Variants in CREB5 observed in about 807,000 individuals in gnomAD.
The protein encoded by CREB5 is cAMP responsive element binding protein 5.
A neutral mutation model predicts 57.1 loss-of-function variants in CREB5; 19 were observed. The observed-to-expected ratio is 0.33, with a 90% confidence interval of 0.23 to 0.49. The LOEUF (loss-of-function observed/expected upper bound fraction) is 0.49, where lower values mean the gene tolerates loss of function less well. Ranked by LOEUF, CREB5 falls within the 20% of genes least tolerant of loss-of-function variation. The probability of loss-of-function intolerance (pLI) is 0.99; values close to 1 mark genes in which losing one functional copy is unlikely to be tolerated. For synonymous variants in CREB5, 238 were observed against 238.3 expected, an observed-to-expected ratio of 1.00 and a Z score of 0.01; for missense variants, 579 against 671.6, an observed-to-expected ratio of 0.86 and a Z score of 1.52.
In CREB5 at chr7:28,717,970, A is replaced by G. The variant is rs538714380; in HGVS notation, c.465-783A>G. 2.0e-5 allele frequency among the ~76,000 whole-genome samples: 3 copies of G among 152,348 alleles called. No individual in the cohort carries two copies. The South Asian group carries it at 6.2e-4, about 32-fold the overall frequency. ...CAGCTCCACATTCTCTGGCTCATTA[A>G]ATCAATTTAAGGCTCTTAAAATTGT... On this transcript the variant is annotated intron_variant, in intron 5 of 10. Transcript: ENST00000357727.
intron 5 of CREB5, among the ~76,000 whole-genome samples, chr7:28,707,114 C>G (rs142552026): frequency 3.0e-3 from 451 of 152,178 alleles, no homozygotes; most frequent in African/African-American, 0.011. Context: ...TGGGGACTCA[C>G]AGTAATGGAG....
At chr7:28,473,607 G>C (rs1012860264) in intron 1 of CREB5, among the ~76,000 whole-genome samples, 1 of 152,202 alleles carries the variant, frequency 6.6e-6, no homozygotes, top group African/African-American at 2.4e-5. Context: ...GGAAGACTGA[G>C]TCTTCTGACA....
rs572238702 is a variant in CREB5, at chr7:28,450,939, T to C, written c.4-37236T>C. On this transcript the variant is annotated intron_variant, in intron 1 of 10. Transcript: ENST00000357727. Reference sequence around the variant, plus strand: ...TGAGTATCCACCATTCTAGACCATTTGCAGGTCTAGAAGGAACTCTAGGTC... The same window carrying C: ...TGAGTATCCACCATTCTAGACCATTCGCAGGTCTAGAAGGAACTCTAGGTC... Among the ~76,000 whole-genome samples, 3 of 152,314 alleles carry C rather than the reference T, an allele frequency of 2.0e-5. No homozygotes were observed. The South Asian group carries it at 6.2e-4, about 32-fold the overall frequency.
intron 5 of CREB5, among the ~76,000 whole-genome samples, chr7:28,704,898 A>G (rs1802031454): frequency 6.6e-6 from 1 of 152,184 alleles, no homozygotes; most frequent in African/African-American, 2.4e-5. Context: ...GCCCTAGATC[A>G]CCAGGCAAAT....
chr7:28,673,364 C>T (rs190044608), intron 5 of CREB5, among the ~76,000 whole-genome samples: 4 of 152,238 alleles, frequency 2.6e-5, no homozygotes, highest in Admixed American at 1.3e-4. Context: ...TCCTATTGTC[C>T]CCTGGAAAGC....
At chr7:28,350,302 G>A (rs1169669704) in intron 1 of CREB5, among the ~76,000 whole-genome samples, 1 of 152,168 alleles carries the variant, frequency 6.6e-6, no homozygotes, top group Non-Finnish European at 1.5e-5. Context: ...CGCCTGTGGA[G>A]GGGAAGCTAC....
chr7:28,560,865 C>CGCGCG (rs1491128731), intron 4 of CREB5, among the ~76,000 whole-genome samples: 17 of 14,828 alleles, frequency 1.1e-3, no homozygotes, highest in Middle Eastern at 0.1. Flanking sequence ...TGTGCGTGTG[C>CGCGCG]CTGCGTGCGC....
intron 7 of CREB5, among the ~76,000 whole-genome samples, chr7:28,761,723 G>A (rs1805665786): frequency 6.7e-6 from 1 of 149,172 alleles, no homozygotes; most frequent in Non-Finnish European, 1.5e-5. Flanking sequence ...TGATGTGAGG[G>A]ATGTGTGTGT....
intron 1 of CREB5, among the ~76,000 whole-genome samples, chr7:28,312,167 G>T (rs1165901267): frequency 6.7e-6 from 1 of 148,684 alleles, no homozygotes. Flanking sequence ...TCATTTTAGT[G>T]AAAGGAAATA....
chr7:28,764,981 G>A (rs1057415258), intron 7 of CREB5, among the ~76,000 whole-genome samples: 9 of 152,056 alleles, frequency 5.9e-5, no homozygotes, highest in Non-Finnish European at 1.0e-4. Flanking sequence ...CTCAAACTCC[G>A]AAATTCATAC....
At chr7:28,598,300 C>A (rs564184182) in intron 5 of CREB5, among the ~76,000 whole-genome samples, 1 of 152,144 alleles carries the variant, frequency 6.6e-6, no homozygotes, top group Non-Finnish European at 1.5e-5. Flanking sequence ...CCGCCATGAT[C>A]CCCAGCCAGG....
chr7:28,568,522 T>TA (rs1375238908), intron 4 of CREB5, among the ~76,000 whole-genome samples: 19 of 152,162 alleles, frequency 1.2e-4, no homozygotes, highest in Non-Finnish European at 1.5e-5. Context: ...CTAGATCCTA[T>TA]AAAAAAACGA....
intron 7 of CREB5, among the ~76,000 whole-genome samples, chr7:28,781,255 A>G (rs1806955608): frequency 6.6e-6 from 1 of 152,206 alleles, no homozygotes; most frequent in Non-Finnish European, 1.5e-5. Context: ...CCCATTCCCT[A>G]TGGAAAACAT....
chr7:28,310,586 C>T (rs1389497802), intron 1 of CREB5, among the ~76,000 whole-genome samples: 1 of 152,220 alleles, frequency 6.6e-6, no homozygotes, highest in Non-Finnish European at 1.5e-5. Context: ...GGAGTAATTG[C>T]AAGTGCAGGG....
At chr7:28,466,169 T>A (rs951542539) in intron 1 of CREB5, among the ~76,000 whole-genome samples, 1 of 148,986 alleles carries the variant, frequency 6.7e-6, no homozygotes, top group Non-Finnish European at 1.5e-5. Flanking sequence ...TTCCATCCAG[T>A]TTTTACCCAA....
intron 1 of CREB5, among the ~76,000 whole-genome samples, chr7:28,346,424 C>T (rs555191199): frequency 7.6e-4 from 115 of 152,306 alleles, no homozygotes; most frequent in Non-Finnish European, 1.4e-3. Context: ...ATCCCATTCA[C>T]GAGGGCTCCA....
chr7:28,765,395 C>G (rs1805907620), intron 7 of CREB5, among the ~76,000 whole-genome samples: 1 of 152,238 alleles, frequency 6.6e-6, no homozygotes, highest in African/African-American at 2.4e-5. Context: ...TATTTATCAA[C>G]ATTCCATTCC....
intron 5 of CREB5, among the ~76,000 whole-genome samples, chr7:28,714,908 C>T (rs1222953230): frequency 1.3e-5 from 2 of 152,100 alleles, no homozygotes; most frequent in Non-Finnish European, 2.9e-5. Flanking sequence ...GGAGGCTTGG[C>T]CTGCACCAAG....
intron 1 of CREB5, among the ~76,000 whole-genome samples, chr7:28,401,267 A>T (rs1368495127): frequency 6.6e-6 from 1 of 152,144 alleles, no homozygotes; most frequent in Non-Finnish European, 1.5e-5. Context: ...AAAACATTAA[A>T]TTTTATAGAG....
Sources: allele counts gnomAD v4.1 joint callset (sites outside exome capture counted in the v4.1 genomes callset), GRCh38; gene constraint gnomAD v4.1.1; transcripts MANE v1.5; gene names NCBI Gene and HGNC (gene_info 2026-07-23, HGNC 2026-07-21).